CCSER1: variants seen among roughly 807,000 people sequenced by gnomAD.
CCSER1 encodes coiled-coil serine rich protein 1.
A neutral mutation model predicts 82.0 loss-of-function variants in CCSER1; 41 were observed. The ratio of observed to expected loss-of-function variants is 0.50; its 90% confidence interval spans 0.39 to 0.65. The LOEUF is 0.65. CCSER1 is among the 30% of genes least tolerant of loss of function. The probability of loss-of-function intolerance (pLI) is 0.00; values close to 1 mark genes in which losing one functional copy is unlikely to be tolerated. For missense variants in CCSER1, 1,119 were observed against 1,064.2 expected (o/e 1.05, Z -0.72); for synonymous variants, 414 against 383.9 (o/e 1.08, Z -0.92).
At chr4:91,401,160 A>G (rs894614661) in intron 10 of CCSER1, among the ~76,000 whole-genome samples, 3 of 151,616 alleles carry the variant, frequency 2.0e-5, no homozygotes, top group African/African-American at 7.3e-5. Context: ...ATCTAAATAG[A>G]TACCCATTTT....
intron 10 of CCSER1, among the ~76,000 whole-genome samples, chr4:91,285,504 TA>T (rs1264922376): frequency 4.0e-5 from 6 of 151,858 alleles, no homozygotes; most frequent in African/African-American, 7.2e-5. Flanking sequence ...TATATGTAAA[TA>T]AAAATACTGG....
chr4:90,932,976 A>AAGAAAGAAAGAAAGAG (rs1730206083), intron 9 of CCSER1, among the ~76,000 whole-genome samples: 1 of 38,690 alleles, frequency 2.6e-5, no homozygotes, highest in South Asian at 6.8e-4. Context: ...GAAAGAAAGA[A>AAGAAAGAAAGAAAGAG]AGAAAGAGAA....
intron 6 of CCSER1, among the ~76,000 whole-genome samples, chr4:90,719,038 C>T (rs1742189566): frequency 6.6e-6 from 1 of 152,012 alleles, no homozygotes; most frequent in African/African-American, 2.4e-5. Context: ...CAGGGCTCCT[C>T]AACTTCCTGG....
intron 10 of CCSER1, among the ~76,000 whole-genome samples, chr4:91,342,607 G>T (rs999667800): frequency 8.5e-5 from 13 of 152,064 alleles, no homozygotes; most frequent in African/African-American, 2.9e-4. Context: ...TAAAACAAAA[G>T]ATAGGGTTTT....
At chr4:90,276,192 T>TTC (rs1343810890) in intron 1 of CCSER1, among the ~76,000 whole-genome samples, 1 of 34,590 alleles carries the variant, frequency 2.9e-5, no homozygotes, top group African/African-American at 1.0e-4. Flanking sequence ...ACTGTTTTCT[T>TTC]TCTTTCTTTC....
intron 5 of CCSER1, among the ~76,000 whole-genome samples, chr4:90,609,729 C>T (rs1404970614): frequency 6.6e-6 from 1 of 152,060 alleles, no homozygotes; most frequent in Non-Finnish European, 1.5e-5. Flanking sequence ...GAGGGACACT[C>T]AGAAAACATT....
intron 8 of CCSER1, among the ~76,000 whole-genome samples, chr4:90,878,981 C>T (rs1320483064): frequency 6.6e-6 from 1 of 152,108 alleles, no homozygotes; most frequent in African/African-American, 2.4e-5. Flanking sequence ...CTTAACATAA[C>T]CAAAAATGAT....
intron 10 of CCSER1, among the ~76,000 whole-genome samples, chr4:91,136,513 C>T (rs1388379363): frequency 6.6e-6 from 1 of 151,944 alleles, no homozygotes. Context: ...CAATGGATAC[C>T]CTAAAGTCTT....
chr4:90,225,532 A>G lies in CCSER1; in HGVS notation c.-41-82712A>G, dbSNP rs144551395. On this transcript the variant is annotated intron_variant, in intron 1 of 10. Coordinates refer to ENST00000509176, the MANE Select transcript of CCSER1 (RefSeq NM_001145065.2). ...TGACAACCTGAGAGGTGGGCATTAT[A>G]TTATCTATTTGGCAATTGAGAAAAT... Among the ~76,000 whole-genome samples, 12 of 152,300 alleles carry G rather than the reference A, an allele frequency of 7.9e-5. No homozygotes were observed. In the East Asian group the frequency reaches 2.1e-3, roughly 27 times the overall value.
At chr4:91,051,357 A>G (rs1045453645) in intron 9 of CCSER1, among the ~76,000 whole-genome samples, 3 of 152,194 alleles carry the variant, frequency 2.0e-5, no homozygotes, top group Non-Finnish European at 4.4e-5. Flanking sequence ...CATTAAATTT[A>G]ACAGAATAAT....
chr4:91,305,706 G>T lies in CCSER1; in HGVS notation c.2217+219712G>T, dbSNP rs551616815. On this transcript the variant is annotated intron_variant, in intron 10 of 10. Coordinates refer to ENST00000509176, the MANE Select transcript of CCSER1 (RefSeq NM_001145065.2). ...GTGTGTATTAGTCTGTTCTCATGCT[G>T]CTAATAAATACCTACCCAAGAGTGG... Among the ~76,000 whole-genome samples the T allele has an allele frequency of 2.5e-3, 376 of 149,802 alleles. 1 individual carries two copies. The highest frequency in any genetic ancestry group is 0.011 in the Middle Eastern group (3 of 266).
In CCSER1 at chr4:91,119,614, T is replaced by A. The variant is rs573650529; in HGVS notation, c.2217+33620T>A. 1.3e-4 allele frequency among the ~76,000 whole-genome samples: 20 copies of A among 152,096 alleles called. 1 individual carries two copies. The South Asian group carries it at 3.9e-3, about 30-fold the overall frequency. ...TTAACTGTAGATGTAGTCTGAGAAG[T>A]CATTTGTACTGATTAGCTGTGTATA... On this transcript the variant is annotated intron_variant, in intron 10 of 10. Transcript: ENST00000509176.
chr4:91,354,802 C>T lies in CCSER1; in HGVS notation c.2218-243770C>T, dbSNP rs531700925. Among the ~76,000 whole-genome samples the T allele has an allele frequency of 3.9e-5, 6 of 152,270 alleles. No individual in the cohort carries two copies. The East Asian group carries it at 1.2e-3, about 29-fold the overall frequency. Reference sequence around the variant, plus strand: ...TTTCCACAAACATAACATGAAGTGACATTTAGAGACTGGGCTACATGCTCG... The same window carrying T: ...TTTCCACAAACATAACATGAAGTGATATTTAGAGACTGGGCTACATGCTCG... On this transcript the variant is annotated intron_variant, in intron 10 of 10. Coordinates refer to ENST00000509176, the MANE Select transcript of CCSER1 (RefSeq NM_001145065.2).
chr4:90,487,174 A>G (rs1218942977), intron 5 of CCSER1, among the ~76,000 whole-genome samples: 1 of 152,150 alleles, frequency 6.6e-6, no homozygotes, highest in Non-Finnish European at 1.5e-5. Flanking sequence ...GGCCTTCCAA[A>G]GTGCTGGGAT....
At chr4:90,887,341 G>A (rs970584353) in intron 8 of CCSER1, among the ~76,000 whole-genome samples, 1 of 152,264 alleles carries the variant, frequency 6.6e-6, no homozygotes, top group South Asian at 2.1e-4. Context: ...ACTTTCAACA[G>A]ACCCTGGTTC....
At chr4:90,926,136 T>C (rs933645868) in intron 9 of CCSER1, among the ~76,000 whole-genome samples, 5 of 152,046 alleles carry the variant, frequency 3.3e-5, no homozygotes, top group African/African-American at 9.6e-5. Context: ...AATAATCATT[T>C]ATTCTTCAAT....
At chr4:91,518,451 A>G (rs1159810424) in intron 10 of CCSER1, among the ~76,000 whole-genome samples, 3 of 152,124 alleles carry the variant, frequency 2.0e-5, no homozygotes, top group African/African-American at 4.8e-5. Flanking sequence ...CACTCCTTCT[A>G]TAGTCCAAGG....
At chr4:91,231,199 A>G (rs1033496995) in intron 10 of CCSER1, among the ~76,000 whole-genome samples, 2 of 151,924 alleles carry the variant, frequency 1.3e-5, no homozygotes, top group Non-Finnish European at 2.9e-5. Flanking sequence ...AAGGGGAAAC[A>G]AAGTGAATGG....
At chr4:91,310,865 C>T (rs1334328992) in intron 10 of CCSER1, among the ~76,000 whole-genome samples, 1 of 151,630 alleles carries the variant, frequency 6.6e-6, no homozygotes, top group African/African-American at 2.4e-5. Flanking sequence ...TTTTTTTTAG[C>T]TCATCAGGTA....
Sources: allele counts gnomAD v4.1 joint callset (sites outside exome capture counted in the v4.1 genomes callset), GRCh38; gene constraint gnomAD v4.1.1; transcripts MANE v1.5; gene names NCBI Gene and HGNC (gene_info 2026-07-23, HGNC 2026-07-21).